The following CPE variants were observed in gnomAD, a reference collection of about 807,000 sequenced individuals.
CPE encodes the protein carbocypeptidase E.
In CPE, 17 loss-of-function variants were observed where a neutral mutation model predicts 53.5. That is an observed-to-expected ratio of 0.32 (90% CI 0.22 to 0.48). CPE has a LOEUF of 0.48. CPE is among the 20% of genes least tolerant of loss of function. The pLI is 0.99. For synonymous variants in CPE, 226 were observed against 228.8 expected, an observed-to-expected ratio of 0.99 and a Z score of 0.11; for missense variants, 524 against 614.7, an observed-to-expected ratio of 0.85 and a Z score of 1.56.
chr4:165,487,486 T>C lies in CPE; in HGVS notation c.1022T>C (p.Val341Ala). 1 of 1,614,110 alleles carries C rather than the reference T, an allele frequency of 6.2e-7. No homozygotes were observed. Residue 341 changes from valine (V) to alanine (A), a missense_variant, in exon 6 of 9, where the codon GTG becomes GCG. Transcript: ENST00000402744. ...YLSSNCFEIT[V>A]ELSCEKFPPE... ...AGCAGCAACTGTTTTGAGATCACCGTGGAGCTTAGCTGTGAGAAGTTCCCA... is the reference window on the plus strand; with the variant it reads ...AGCAGCAACTGTTTTGAGATCACCGCGGAGCTTAGCTGTGAGAAGTTCCCA...
intron 1 of CPE, among the ~76,000 whole-genome samples, chr4:165,421,903 T>C (rs977719870): frequency 3.3e-5 from 5 of 152,188 alleles, no homozygotes; most frequent in African/African-American, 9.7e-5. Flanking sequence ...TAATTATTTC[T>C]GTTTTTTAAA....
intron 1 of CPE, among the ~76,000 whole-genome samples, chr4:165,444,867 C>G (rs550649316): frequency 6.6e-6 from 1 of 152,300 alleles, no homozygotes; most frequent in South Asian, 2.1e-4. Flanking sequence ...AGCTTTCTCT[C>G]TAGTTACTTT....
chr4:165,493,016 TTCAGTG>T (rs1181735947), intron 6 of CPE, among the ~76,000 whole-genome samples, 149 bp from the exon 7 acceptor site: 1 of 152,158 alleles, frequency 6.6e-6, no homozygotes, highest in Non-Finnish European at 1.5e-5. Context: ...GCACAAAAAA[TTCAGTG>T]GCCTTTTGTG....
At chr4:165,469,485 A>G (rs1732166321) in intron 3 of CPE, among the ~76,000 whole-genome samples, 1 of 152,082 alleles carries the variant, frequency 6.6e-6, no homozygotes, top group South Asian at 2.1e-4. Flanking sequence ...TTGTGCTCCT[A>G]AACATACCAT....
intron 1 of CPE, among the ~76,000 whole-genome samples, chr4:165,396,551 A>G (rs1308558988): frequency 6.6e-6 from 1 of 151,986 alleles, no homozygotes; most frequent in East Asian, 1.9e-4. Context: ...TATGCCTGTA[A>G]TCCCAGCTAC....
intron 2 of CPE, 22 bp downstream of exon 2, chr4:165,464,608 T>G: frequency 6.4e-7 from 1 of 1,572,822 alleles, no homozygotes; most frequent in South Asian, 1.2e-5. Flanking sequence ...GCAGCTCAGA[T>G]CAGGCGTGCT....
chr4:165,447,791 AT>A (rs1731743182), intron 1 of CPE, among the ~76,000 whole-genome samples: 1 of 152,014 alleles, frequency 6.6e-6, no homozygotes, highest in Admixed American at 6.6e-5. Flanking sequence ...TATTTTAAAA[AT>A]TTTTGTATTT....
chr4:165,485,764 C>G (rs763040892), intron 5 of CPE, among the ~76,000 whole-genome samples: 51 of 152,150 alleles, frequency 3.4e-4, no homozygotes, highest in Non-Finnish European at 7.1e-4. Context: ...ACGATTACGT[C>G]TCGCTTAACT....
At chr4:165,487,722 A>G in intron 6 of CPE, 145 bp downstream of exon 6, 2 of 916,210 alleles carry the variant, frequency 2.2e-6, no homozygotes, top group Non-Finnish European at 3.2e-6. Flanking sequence ...GCAGTGTTTC[A>G]GTTAGGCTTT....
In CPE at chr4:165,379,029, G is replaced by T. The variant is rs1579234318; in HGVS notation, c.-193G>T. The T allele has an allele frequency of 2.9e-5, 12 of 410,518 alleles. No homozygotes were observed. In the East Asian group the frequency reaches 5.2e-4, roughly 18 times the overall value. 25.4% of individuals were successfully genotyped at this position (410,518 alleles called of 1,614,324 possible). The stretch of plus-strand genomic sequence containing the variant: ...GGCCAGTAGTGCAGCCCGTGGAGCC[G>T]CGGCTTTGCCCGTCTCCTCTGGGTG... On this transcript the variant is annotated 5_prime_UTR_variant, in exon 1 of 9. Transcript: ENST00000402744. This position sits in a 1 kb window ranked among gnomAD's most constrained non-coding sequence, Gnocchi z 6.0.
chr4:165,440,462 C>A (rs13137743), intron 1 of CPE, among the ~76,000 whole-genome samples: 68,196 of 139,170 alleles, frequency 0.49, 18,815 homozygotes, highest in Admixed American at 0.58. Flanking sequence ...CCACCCCCCC[C>A]CACACACACA....
chr4:165,493,421 G>C lies in CPE; in HGVS notation c.1213+151G>C, dbSNP rs191797721. ...GCTTTGATCTGGTGAAGTTTCCTTT[G>C]TGGGCTCAGGTCAGGCGGAGTGAGT... On this transcript the variant is annotated intron_variant, in intron 7 of 8. Transcript: ENST00000402744. 40 of 584,852 alleles carry C rather than the reference G, an allele frequency of 6.8e-5. No individual in the cohort carries two copies. In the East Asian group the frequency reaches 1.3e-3, roughly 19 times the overall value. 36.2% of individuals were successfully genotyped at this position (584,852 alleles called of 1,614,324 possible).
At chr4:165,422,428 A>G (rs2126674343) in intron 1 of CPE, among the ~76,000 whole-genome samples, 1 of 152,270 alleles carries the variant, frequency 6.6e-6, no homozygotes, top group Middle Eastern at 3.4e-3. Context: ...AAAAGAATTA[A>G]AGTTATGGCA....
chr4:165,461,795 G>T (rs1732013660), intron 1 of CPE, among the ~76,000 whole-genome samples: 1 of 152,162 alleles, frequency 6.6e-6, no homozygotes, highest in Non-Finnish European at 1.5e-5. Flanking sequence ...TAAACAATGT[G>T]GCTGTTCCGC....
Position 165,464,510 on chromosome 4 carries a change from T to A in CPE, c.428T>A (p.Val143Asp), listed in dbSNP as rs1433015281. Reference sequence around the variant, plus strand: ...TACCAGAAGGGGAACGAGACAATTGTCAACCTGATCCACAGTACCCGCATT... The same window carrying A: ...TACCAGAAGGGGAACGAGACAATTGACAACCTGATCCACAGTACCCGCATT... ...NEYQKGNETIVNLIHSTRIHI... is the reference protein window; with the variant it reads ...NEYQKGNETIDNLIHSTRIHI... The change falls in exon 2 of 9, where the codon GTC becomes GAC. Residue 143 changes from valine to aspartate, a missense_variant. Physicochemically the swap from Val to Asp is radical, Grantham distance 152 (BLOSUM62 -3). Transcript: ENST00000402744. 4 of 1,614,002 alleles carry A rather than the reference T, an allele frequency of 2.5e-6. No individual in the cohort carries two copies. The highest frequency in any genetic ancestry group is 3.4e-6 in the Non-Finnish European group (4 of 1,179,926).
At chr4:165,494,140 G>A (rs1053531883) in intron 7 of CPE, among the ~76,000 whole-genome samples, 2 of 152,092 alleles carry the variant, frequency 1.3e-5, no homozygotes, top group Non-Finnish European at 2.9e-5. Flanking sequence ...TGTATCAACA[G>A]CCCACTAGGT....
rs114532556 is a variant in CPE at position 165,411,941 on chromosome 4, C to T, written c.307+32413C>T. ...CGTTCCTCCAGGAGGAGGAAACCAT[C>T]TCTTTAAAATGACAGTGCTTTCCTT... On this transcript the variant is annotated intron_variant, in intron 1 of 8. Transcript: ENST00000402744. Among the ~76,000 whole-genome samples the T allele has an allele frequency of 5.3e-3, 814 of 152,170 alleles. 11 individuals carry two copies. The highest frequency in any genetic ancestry group is 0.019 in the African/African-American group (788 of 41,508).
rs547908029 is a variant in CPE at position 165,494,795 on chromosome 4, A to AT, written c.1214-757dup. On this transcript the variant is annotated intron_variant, in intron 7 of 8. Transcript: ENST00000402744. ...TTGATGATACGGTGATGGGGGCTTAATTTTTTTGACTGTACCTATTTTTGC... is the reference window on the plus strand; with the variant it reads ...TTGATGATACGGTGATGGGGGCTTAATTTTTTTTGACTGTACCTATTTTTGC... Among the ~76,000 whole-genome samples, 51 of 152,294 alleles carry AT rather than the reference A, an allele frequency of 3.3e-4. 1 individual carries two copies. Among genetic ancestry groups the AT allele is most frequent in the South Asian group, 1.9e-3 (9 of 4,820 alleles).
intron 1 of CPE, among the ~76,000 whole-genome samples, chr4:165,451,606 C>G (rs1731811190): frequency 6.6e-6 from 1 of 152,146 alleles, no homozygotes; most frequent in Admixed American, 6.5e-5. Flanking sequence ...ATTCTCCTGC[C>G]TCAGCCTCCT....
Sources: allele counts gnomAD v4.1 joint callset (sites outside exome capture counted in the v4.1 genomes callset), GRCh38; gene constraint gnomAD v4.1.1; non-coding constraint Gnocchi (gnomAD v3.1); transcripts MANE v1.5; gene names NCBI Gene and HGNC (gene_info 2026-07-23, HGNC 2026-07-21).